Variants in TSHZ2 observed in about 807,000 individuals in gnomAD.
TSHZ2 encodes teashirt zinc finger homeobox 2, also known as teashirt homolog 2.
A neutral mutation model predicts 74.4 loss-of-function variants in TSHZ2; 21 were observed. That is an observed-to-expected ratio of 0.28 (90% confidence interval 0.20 to 0.41). The LOEUF is 0.41. TSHZ2 is among the 10% of genes least tolerant of loss of function. TSHZ2 has a pLI of 1.00. For synonymous variants in TSHZ2, 540 were observed against 515.3 expected, an observed-to-expected ratio of 1.05 and a Z score of -0.65; for missense variants, 1,244 against 1,293.5, an observed-to-expected ratio of 0.96 and a Z score of 0.59.
chr20:53,107,870 G>A (rs574362020), intron 1 of TSHZ2, among the ~76,000 whole-genome samples: 3 of 152,130 alleles, frequency 2.0e-5, no homozygotes, highest in Non-Finnish European at 2.9e-5. Context: ...CTTTCTTTCT[G>A]GCTCCCCAAG....
In TSHZ2 at chr20:53,256,093, C is replaced by T. The variant is rs760715835; in HGVS notation, c.2635C>T (p.Pro879Ser). ...CAAATACCTGCTGTCTGATCTGGGC[C>T]CACAAGAGCGTATGCAAATCTCTAA... ...EGKYLLSDLG[P>S]QERMQISKFT... The change falls in exon 2 of 3, where the codon CCA becomes TCA. Residue 879 changes from proline (P) to serine (S), a missense_variant. Pro to Ser is a moderately conservative substitution (Grantham distance 74). Coordinates refer to ENST00000371497, the MANE Select transcript of TSHZ2 (RefSeq NM_173485.6). This position sits in a 1 kb window ranked among gnomAD's most constrained non-coding sequence, Gnocchi z 4.3. 1.2e-6 allele frequency: 2 copies of T among 1,614,172 alleles called. No homozygotes were observed. The highest frequency in any genetic ancestry group is 3.3e-5 in the Admixed American group (2 of 60,018).
chr20:53,337,822 G>A (rs1187999239), intron 2 of TSHZ2, among the ~76,000 whole-genome samples: 1 of 152,206 alleles, frequency 6.6e-6, no homozygotes, highest in African/African-American at 2.4e-5. Flanking sequence ...TGGAAACCCT[G>A]TTAAAGAAAA....
At chr20:53,319,504 C>A (rs1310379881) in intron 2 of TSHZ2, among the ~76,000 whole-genome samples, 1 of 152,182 alleles carries the variant, frequency 6.6e-6, no homozygotes, top group African/African-American at 2.4e-5. Flanking sequence ...CATCACAGGA[C>A]AGAGAGTGGA....
intron 2 of TSHZ2, among the ~76,000 whole-genome samples, chr20:53,291,554 A>T (rs1248572813): frequency 6.6e-6 from 1 of 152,004 alleles, no homozygotes; most frequent in Non-Finnish European, 1.5e-5. Flanking sequence ...AATCTACACC[A>T]GCTAACAGAA....
chr20:53,185,120 A>G (rs1469565292), intron 1 of TSHZ2, among the ~76,000 whole-genome samples: 1 of 152,168 alleles, frequency 6.6e-6, no homozygotes, highest in Non-Finnish European at 1.5e-5. Context: ...ATTTTTTAAA[A>G]TCTTTCATCT....
At chr20:53,238,500 TG>T (rs1989989160) in intron 1 of TSHZ2, among the ~76,000 whole-genome samples, 2 of 152,238 alleles carry the variant, frequency 1.3e-5, no homozygotes, top group Non-Finnish European at 2.9e-5. Context: ...TTGGCCAAGC[TG>T]GTGTTCTGTG....
chr20:53,054,178 T>A (rs1488152860), intron 1 of TSHZ2, among the ~76,000 whole-genome samples: 1 of 152,240 alleles, frequency 6.6e-6, no homozygotes, highest in Non-Finnish European at 1.5e-5. Flanking sequence ...AACTTCTCCC[T>A]TCTCACTCAT....
chr20:53,352,173 G>A (rs1980668035), intron 2 of TSHZ2, among the ~76,000 whole-genome samples: 1 of 144,160 alleles, frequency 6.9e-6, no homozygotes, highest in Non-Finnish European at 1.5e-5. Flanking sequence ...CATGTGCAAA[G>A]TTTGGTTGGG....
chr20:53,342,336 T>A (rs1980242172), intron 2 of TSHZ2, among the ~76,000 whole-genome samples: 1 of 151,202 alleles, frequency 6.6e-6, no homozygotes, highest in South Asian at 2.1e-4. Flanking sequence ...ACCTTGACTG[T>A]TTTAAGGCGT....
intron 1 of TSHZ2, among the ~76,000 whole-genome samples, chr20:53,243,105 C>T (rs904758029): frequency 9.2e-5 from 14 of 151,804 alleles, no homozygotes; most frequent in Non-Finnish European, 1.5e-4. Flanking sequence ...ATGACCCATC[C>T]GACGAAAGGC....
At chr20:53,128,246 C>T (rs1987001800) in intron 1 of TSHZ2, among the ~76,000 whole-genome samples, 1 of 152,176 alleles carries the variant, frequency 6.6e-6, no homozygotes, top group South Asian at 2.1e-4. Flanking sequence ...ATATGGGACA[C>T]ATTTTCTCAT....
intron 1 of TSHZ2, among the ~76,000 whole-genome samples, chr20:52,986,219 G>T (rs1472255050): frequency 2.0e-5 from 3 of 150,592 alleles, no homozygotes; most frequent in African/African-American, 7.3e-5. Flanking sequence ...GCGAAACCCC[G>T]TCTCTACTAA....
intron 1 of TSHZ2, among the ~76,000 whole-genome samples, chr20:53,076,991 A>C (rs1047069517): frequency 6.6e-6 from 1 of 152,194 alleles, no homozygotes; most frequent in Non-Finnish European, 1.5e-5. Flanking sequence ...TCGGGCTTAG[A>C]GAGAGTGGAG....
intron 1 of TSHZ2, among the ~76,000 whole-genome samples, chr20:53,116,590 G>T (rs949072493): frequency 1.3e-5 from 2 of 152,112 alleles, no homozygotes; most frequent in South Asian, 2.1e-4. Flanking sequence ...TAGAAATGCA[G>T]TGTGAATAGT....
chr20:53,050,172 TATACAC>T (rs1287661775), intron 1 of TSHZ2, among the ~76,000 whole-genome samples: 4 of 146,018 alleles, frequency 2.7e-5, no homozygotes, highest in African/African-American at 1.0e-4. Context: ...TATGTACATA[TATACAC>T]ATATATATGT....
rs796181075 is a variant in TSHZ2 at position 53,001,226 on chromosome 20, G to GTGTATGTGTGTGTGTA, written c.40+27896_40+27897insATGTGTGTGTGTATGT. Among the ~76,000 whole-genome samples, 688 of 146,830 alleles carry GTGTATGTGTGTGTGTA rather than the reference G, an allele frequency of 4.7e-3. 4 individuals are homozygous for GTGTATGTGTGTGTGTA. Among genetic ancestry groups the GTGTATGTGTGTGTGTA allele is most frequent in the African/African-American group, 0.016 (639 of 39,904 alleles). On this transcript the variant is annotated intron_variant, in intron 1 of 2. Coordinates refer to ENST00000371497, the MANE Select transcript of TSHZ2 (RefSeq NM_173485.6). ...TGTGCGTGTGTGTGTGTGTGTGTGT[G>GTGTATGTGTGTGTGTA]TGTGTGTGTGTGTGTGTGTGTGTGT...
chr20:53,101,670 T>G (rs2123294108), intron 1 of TSHZ2, among the ~76,000 whole-genome samples: 1 of 152,364 alleles, frequency 6.6e-6, no homozygotes, highest in Admixed American at 6.5e-5. Context: ...TTGAGTCACA[T>G]TGTAATCACC....
chr20:53,171,892 CT>C (rs1402021693), intron 1 of TSHZ2, among the ~76,000 whole-genome samples: 11 of 152,182 alleles, frequency 7.2e-5, no homozygotes, highest in African/African-American at 1.2e-4. Flanking sequence ...GGCTTTCCCC[CT>C]AGATGAAAAT....
intron 1 of TSHZ2, among the ~76,000 whole-genome samples, chr20:53,210,516 A>G (rs1250334918): frequency 1.3e-5 from 2 of 151,964 alleles, no homozygotes; most frequent in Admixed American, 1.3e-4. Flanking sequence ...TCCTGTCAGC[A>G]TTCAGACGTT....
Sources: allele counts gnomAD v4.1 joint callset (sites outside exome capture counted in the v4.1 genomes callset), GRCh38; gene constraint gnomAD v4.1.1; non-coding constraint Gnocchi (gnomAD v3.1); transcripts MANE v1.5; gene names NCBI Gene and HGNC (gene_info 2026-07-23, HGNC 2026-07-21).